CRMP1: variants seen among roughly 807,000 people sequenced by gnomAD.
CRMP1 encodes dihydropyrimidinase-related protein 1.
CRMP1 carries 19 observed loss-of-function variants against 68.3 expected under a neutral mutation model. The ratio of observed to expected loss-of-function variants is 0.28; its 90% CI spans 0.19 to 0.41. CRMP1 has a LOEUF of 0.41. Ranked by LOEUF, CRMP1 falls within the 10% of genes least tolerant of loss-of-function variation. The pLI, the probability that CRMP1 is intolerant of heterozygous loss-of-function variation, is 1.00. For synonymous variants in CRMP1, 439 were observed against 399.6 expected, an observed-to-expected ratio of 1.10 and a Z score of -1.18; for missense variants, 791 against 967.4, an observed-to-expected ratio of 0.82 and a Z score of 2.42.
Position 5,843,526 on chromosome 4 carries a change from C to T in CRMP1, c.964-365G>A, listed in dbSNP as rs1449642317. 6.6e-6 allele frequency among the ~76,000 whole-genome samples: 1 copy of T among 152,126 alleles called. No homozygotes were observed. Among genetic ancestry groups the T allele is most frequent in the Non-Finnish European group, 1.5e-5 (1 of 68,036 alleles). ...GAAGAAACGTGGTGTTTGGGTACAA[C>T]ATGGATATCTTCAACTAGGAATCCT... On this transcript the variant is annotated intron_variant, in intron 6 of 13. Transcript: ENST00000324989. The surrounding 1 kb of genome is among the most constrained non-coding windows in gnomAD (Gnocchi z 4.1).
chr4:5,856,888 CCATCAT>C (rs1232064692), intron 3 of CRMP1, among the ~76,000 whole-genome samples: 1 of 48,318 alleles, frequency 2.1e-5, no homozygotes. Flanking sequence ...ACCACCACCA[CCATCAT>C]CATCATTACT....
intron 11 of CRMP1, among the ~76,000 whole-genome samples, chr4:5,832,491 T>A (rs544916431): frequency 6.6e-6 from 1 of 152,238 alleles, no homozygotes; most frequent in South Asian, 2.1e-4. Context: ...GGTCAATATA[T>A]AAGGAATGAT....
rs1448204115 is a variant in CRMP1 at position 5,889,826 on chromosome 4, G to A, written c.381+2763C>T. 2.0e-6 allele frequency: 3 copies of A among 1,488,020 alleles called. No individual in the cohort carries two copies. The highest frequency in any genetic ancestry group is 2.7e-6 in the Non-Finnish European group (3 of 1,121,168). The allele number at this position is 1,488,020 out of a possible 1,614,324, so 92.2% of individuals were successfully genotyped here. ...GGGCCAGTCCCCTAATCCAGGGCAG[G>A]AGGCCAGAGACACCTGGGCCTTAAA... On this transcript the variant is annotated intron_variant, in intron 1 of 13. Coordinates refer to ENST00000324989, the MANE Select transcript of CRMP1 (RefSeq NM_001014809.3). The surrounding 1 kb of genome is among the most constrained non-coding windows in gnomAD (Gnocchi z 4.5).
At position 5,859,272 on chromosome 4, in the gene CRMP1, G is replaced by A. The variant is rs545533015; in HGVS notation, c.655+1754C>T. The stretch of plus-strand genomic sequence containing the variant: ...CTGTTGTCCTCGTGTGCTTTCATAG[G>A]CTCTTGTTCCATGAAACACACTTTG... On this transcript the variant is annotated intron_variant, in intron 3 of 13. Transcript: ENST00000324989. The surrounding 1 kb of genome is among the most constrained non-coding windows in gnomAD (Gnocchi z 5.2). 9.2e-5 allele frequency among the ~76,000 whole-genome samples: 14 copies of A among 152,278 alleles called. No homozygotes were observed. Among genetic ancestry groups the A allele is most frequent in the Admixed American group, 7.2e-4 (11 of 15,300 alleles).
In CRMP1 at chr4:5,842,650, TCA is replaced by T. The variant is rs980624799; in HGVS notation, c.1032+441_1032+442del. On this transcript the variant is annotated intron_variant, in intron 7 of 13. Transcript: ENST00000324989. This position sits in a 1 kb window ranked among gnomAD's most constrained non-coding sequence, Gnocchi z 4.5. ...CACACACACACACGCACTGTCTCTC[TCA>T]CACACACACACTAACATACACACAC... 8.0e-5 allele frequency among the ~76,000 whole-genome samples: 12 copies of T among 149,984 alleles called. No individual in the cohort carries two copies. The South Asian group carries it at 8.5e-4, about 11-fold the overall frequency.
rs1577750730 is a variant in CRMP1, at chr4:5,832,882, A to G, written c.1623+3033T>C. On this transcript the variant is annotated intron_variant, in intron 11 of 13. Transcript: ENST00000324989. Reference sequence around the variant, plus strand: ...TCAGAATGTGACCTTATTTGGAAACAGAGATTTTGCAGGTATAATTAGGTA... The same window carrying G: ...TCAGAATGTGACCTTATTTGGAAACGGAGATTTTGCAGGTATAATTAGGTA... 2.0e-5 allele frequency among the ~76,000 whole-genome samples: 3 copies of G among 152,346 alleles called. No individual in the cohort carries two copies. The South Asian group carries it at 6.2e-4, about 32-fold the overall frequency.
At chr4:5,845,359 T>C (rs146882434) in intron 6 of CRMP1, among the ~76,000 whole-genome samples, 6 of 152,352 alleles carry the variant, frequency 3.9e-5, no homozygotes, top group Admixed American at 2.6e-4. Context: ...GCTTTTTGGT[T>C]AATCTGCTCT....
rs1486245653 is a variant in CRMP1, at chr4:5,825,783, C to G, written c.1804-124G>C. On this transcript the variant is annotated intron_variant, in intron 12 of 13. Coordinates refer to ENST00000324989, the MANE Select transcript of CRMP1 (RefSeq NM_001014809.3). This position sits in a 1 kb window ranked among gnomAD's most constrained non-coding sequence, Gnocchi z 4.4. ...GTCACTTCAAATGTGCATGCACACA[C>G]ACACACAACACGCACACACGACAGG... is the stretch of plus-strand genomic sequence containing the variant. The G allele has an allele frequency of 6.9e-6, 6 of 868,242 alleles. No individual in the cohort carries two copies. Among genetic ancestry groups the G allele is most frequent in the Non-Finnish European group, 1.1e-5 (6 of 558,712 alleles). 53.8% of individuals were successfully genotyped at this position (868,242 alleles called of 1,614,324 possible).
Position 5,855,348 on chromosome 4 carries a change from C to T in CRMP1, c.820+795G>A, listed in dbSNP as rs1271234010. On this transcript the variant is annotated intron_variant, in intron 4 of 13. Transcript: ENST00000324989. The surrounding 1 kb of genome is among the most constrained non-coding windows in gnomAD (Gnocchi z 4.9). ...ACACACCCTCGCTCTCCTTGAAGCA[C>T]CACCATTTGAGGCTGCCTCCTCAGA... Among the ~76,000 whole-genome samples, 1 of 152,232 alleles carries T rather than the reference C, an allele frequency of 6.6e-6. No homozygotes were observed. The highest frequency in any genetic ancestry group is 1.5e-5 in the Non-Finnish European group (1 of 68,048).
rs1363259358 is a variant in CRMP1 at position 5,892,581 on chromosome 4, G to A, written c.381+8C>T. ...CCCTCGTCTGGCCCGCGCGCGCCCC[G>A]AGGGTACCTGGCCATTGTCCCGGCC... On this transcript the variant is annotated splice_region_variant and intron_variant, in intron 1 of 13. Transcript: ENST00000324989. This position sits in a 1 kb window ranked among gnomAD's most constrained non-coding sequence, Gnocchi z 8.6. 93 of 1,177,584 alleles carry A rather than the reference G, an allele frequency of 7.9e-5. No individual in the cohort carries two copies. The highest frequency in any genetic ancestry group is 9.1e-5 in the Non-Finnish European group (87 of 952,962). 72.9% of individuals were successfully genotyped at this position (1,177,584 alleles called of 1,614,324 possible).
rs540050999 is a variant in CRMP1, at chr4:5,861,362, C to G, written c.471-152G>C. On this transcript the variant is annotated intron_variant, in intron 2 of 13. Coordinates refer to ENST00000324989, the MANE Select transcript of CRMP1 (RefSeq NM_001014809.3). The surrounding 1 kb of genome is among the most constrained non-coding windows in gnomAD (Gnocchi z 6.0). ...AGAGATAACTCAGGCAGGGCACATGCCCTCAAGGGGCTCATAGTCTAATAG... is the reference window on the plus strand; with the variant it reads ...AGAGATAACTCAGGCAGGGCACATGGCCTCAAGGGGCTCATAGTCTAATAG... 1 of 730,656 alleles carries G rather than the reference C, an allele frequency of 1.4e-6. No individual in the cohort carries two copies. The highest frequency in any genetic ancestry group is 2.6e-5 in the East Asian group (1 of 38,250). 45.3% of individuals were successfully genotyped at this position (730,656 alleles called of 1,614,324 possible).
chr4:5,837,019 G>A lies in CRMP1; in HGVS notation c.1311-113C>T. ...AGTGAATGAATGAATAGATAAGGAAGCCAGTGGGTAAGAGAGACTCTCTAG... is the reference window on the plus strand; with the variant it reads ...AGTGAATGAATGAATAGATAAGGAAACCAGTGGGTAAGAGAGACTCTCTAG... On this transcript the variant is annotated intron_variant, in intron 9 of 13. Coordinates refer to ENST00000324989, the MANE Select transcript of CRMP1 (RefSeq NM_001014809.3). The A allele has an allele frequency of 2.4e-6, 3 of 1,249,588 alleles. No homozygotes were observed. In the South Asian group the frequency reaches 4.4e-5, roughly 18 times the overall value. 77.4% of individuals were successfully genotyped at this position (1,249,588 alleles called of 1,614,324 possible). A position where few individuals can be genotyped will look rare whatever the true frequency, so the allele number is the denominator to read the frequency against.
chr4:5,837,042 T>C (rs1720772817), intron 9 of CRMP1, 136 bp from the exon 10 acceptor site: 1 of 980,890 alleles, frequency 1.0e-6, no homozygotes, highest in East Asian at 2.6e-5. Context: ...AGAGACTCTC[T>C]AGCGTGTGCC....
chr4:5,892,356 C>T lies in CRMP1; in HGVS notation c.381+233G>A, dbSNP rs753035019. ...TGTAGAAGAGGAGCCGGGACTGGAC[C>T]CGGGCGATCCCTTCCGAGTCTCACG... On this transcript the variant is annotated intron_variant, in intron 1 of 13. Coordinates refer to ENST00000324989, the MANE Select transcript of CRMP1 (RefSeq NM_001014809.3). The surrounding 1 kb of genome is among the most constrained non-coding windows in gnomAD (Gnocchi z 8.6). Among the ~76,000 whole-genome samples the T allele has an allele frequency of 2.6e-5, 4 of 152,222 alleles. No homozygotes were observed. The highest frequency in any genetic ancestry group is 5.9e-5 in the Non-Finnish European group (4 of 68,042).
rs1028262672 is a variant in CRMP1, at chr4:5,879,576, A to T, written c.382-12820T>A. Among the ~76,000 whole-genome samples, 19 of 152,210 alleles carry T rather than the reference A, an allele frequency of 1.2e-4. No individual in the cohort carries two copies. The highest frequency in any genetic ancestry group is 4.6e-4 in the African/African-American group (19 of 41,446). ...TCCTCATCTATAAATGGAACCCATC[A>T]AAATACCTACCTCACAAGATTACTT... is the stretch of plus-strand genomic sequence containing the variant. On this transcript the variant is annotated intron_variant, in intron 1 of 13. Transcript: ENST00000324989. The surrounding 1 kb of genome is among the most constrained non-coding windows in gnomAD (Gnocchi z 4.2).
Position 5,859,239 on chromosome 4 carries a change from GC to G in CRMP1, c.655+1786del, listed in dbSNP as rs1346046254. Among the ~76,000 whole-genome samples, 4 of 152,222 alleles carry G rather than the reference GC, an allele frequency of 2.6e-5. 1 individual carries two copies. In the South Asian group the frequency reaches 8.3e-4, roughly 32 times the overall value. ...GGGGAAGGGCGGGGACCCTTTCAGA[GC>G]CCTGGACTGTTGTCCTCGTGTGCTT... On this transcript the variant is annotated intron_variant, in intron 3 of 13. Coordinates refer to ENST00000324989, the MANE Select transcript of CRMP1 (RefSeq NM_001014809.3). This position sits in a 1 kb window ranked among gnomAD's most constrained non-coding sequence, Gnocchi z 5.2.
At chr4:5,826,287 G>T (rs1169401566) in intron 12 of CRMP1, 3 of 152,878 alleles carry the variant, frequency 2.0e-5, no homozygotes, top group Non-Finnish European at 4.4e-5. Context: ...GTATGTTCTT[G>T]TAGAAGTCAA....
At chr4:5,848,907 C>T (rs1236031198) in intron 6 of CRMP1, among the ~76,000 whole-genome samples, 1 of 152,202 alleles carries the variant, frequency 6.6e-6, no homozygotes, top group East Asian at 1.9e-4. Flanking sequence ...CTCCCTAAGG[C>T]CTCACCTCCA....
At position 5,838,430 on chromosome 4, in the gene CRMP1, A is replaced by T. The variant is rs1257875682; in HGVS notation, c.1310+1092T>A. Among the ~76,000 whole-genome samples, 1 of 151,992 alleles carries T rather than the reference A, an allele frequency of 6.6e-6. No homozygotes were observed. Among genetic ancestry groups the T allele is most frequent in the Non-Finnish European group, 1.5e-5 (1 of 67,980 alleles). On this transcript the variant is annotated intron_variant, in intron 9 of 13. Coordinates refer to ENST00000324989, the MANE Select transcript of CRMP1 (RefSeq NM_001014809.3). This position sits in a 1 kb window ranked among gnomAD's most constrained non-coding sequence, Gnocchi z 4.9. ...ATCTAGGTTCTAAATGTCTGACAGC[A>T]GACTGTGATGGGTAGGGTGGGGTGG... is the stretch of plus-strand genomic sequence containing the variant.
Sources: allele counts gnomAD v4.1 joint callset (sites outside exome capture counted in the v4.1 genomes callset), GRCh38; gene constraint gnomAD v4.1.1; non-coding constraint Gnocchi (gnomAD v3.1); transcripts MANE v1.5; gene names NCBI Gene and HGNC (gene_info 2026-07-23, HGNC 2026-07-21).